HIF1A: variants seen among roughly 807,000 people sequenced by gnomAD.
The protein encoded by HIF1A is hypoxia-inducible factor 1-alpha.
A neutral mutation model predicts 92.7 loss-of-function variants in HIF1A; 24 were observed. That is an observed-to-expected ratio of 0.26 (90% CI 0.19 to 0.36). The LOEUF (loss-of-function observed/expected upper bound fraction) is 0.36. HIF1A is among the 10% of genes least tolerant of loss of function. The pLI, the probability that HIF1A is intolerant of heterozygous loss-of-function variation, is 1.00. For synonymous variants in HIF1A, 319 were observed against 338.7 expected, an observed-to-expected ratio of 0.94 and a Z score of 0.64; for missense variants, 799 against 998.5, an observed-to-expected ratio of 0.80 and a Z score of 2.69.
At chr14:61,736,374 GCATA>G (rs2044638100) in intron 8 of HIF1A, among the ~76,000 whole-genome samples, 3 of 152,080 alleles carry the variant, frequency 2.0e-5, no homozygotes, top group African/African-American at 7.2e-5. Flanking sequence ...GGGGATACAT[GCATA>G]GGTTTGTTAC....
intron 1 of HIF1A, among the ~76,000 whole-genome samples, chr14:61,702,074 G>A (rs1365387379): frequency 2.0e-5 from 3 of 152,130 alleles, no homozygotes; most frequent in South Asian, 4.2e-4. Flanking sequence ...ATTAACAAAT[G>A]AGACAATGAT....
intron 1 of HIF1A, among the ~76,000 whole-genome samples, chr14:61,713,233 T>C (rs1434317316): frequency 6.6e-6 from 1 of 152,226 alleles, no homozygotes; most frequent in African/African-American, 2.4e-5. Context: ...AATGGGATTT[T>C]AATCAGGCCA....
chr14:61,710,482 A>T (rs1169980201), intron 1 of HIF1A, among the ~76,000 whole-genome samples: 1 of 152,182 alleles, frequency 6.6e-6, no homozygotes, highest in Non-Finnish European at 1.5e-5. Context: ...TGGGTATCCT[A>T]AAGGTTTATT....
At chr14:61,736,759 G>GC in intron 8 of HIF1A, 130 bp from the exon 9 acceptor site, 1 of 636,030 alleles carries the variant, frequency 1.6e-6, no homozygotes, top group East Asian at 2.7e-5. Flanking sequence ...GAGTGATCAT[G>GC]CATCTCAAGA....
rs777130984 is a variant in HIF1A at position 61,721,603 on chromosome 14, T to G, written c.321T>G (p.Gly107=). The G allele has an allele frequency of 6.2e-7, 1 of 1,613,306 alleles. No homozygotes were observed. Among genetic ancestry groups the G allele is most frequent in the Non-Finnish European group, 8.5e-7 (1 of 1,179,364 alleles). Residue 107 remains glycine (G), a synonymous_variant, in exon 3 of 15, where the codon GGT becomes GGG. Transcript: ENST00000337138. The part of the protein sequence containing the change: ...DGFVMVLTDD[G]DMIYISDNVN... ...TTGTTATGGTTCTCACAGATGATGGTGACATGATTTACATTTCTGATAATG... is the reference window on the plus strand; with the variant it reads ...TTGTTATGGTTCTCACAGATGATGGGGACATGATTTACATTTCTGATAATG...
At chr14:61,744,834 T>G in intron 13 of HIF1A, 21 bp downstream of exon 13, 1 of 1,212,510 alleles carries the variant, frequency 8.2e-7, no homozygotes, top group Non-Finnish European at 1.2e-6. Context: ...GTAGTAGGTT[T>G]TGCTTTTCTA....
At chr14:61,744,654 A>G (rs879162662) in intron 12 of HIF1A, 51 bp from the exon 13 acceptor site, 1 of 732,738 alleles carries the variant, frequency 1.4e-6, no homozygotes, top group South Asian at 1.7e-5. Context: ...CGCTCACTGG[A>G]TATTTTTTTT....
At chr14:61,729,048 C>A (rs1458757207) in intron 6 of HIF1A, among the ~76,000 whole-genome samples, 1 of 152,206 alleles carries the variant, frequency 6.6e-6, no homozygotes, top group South Asian at 2.1e-4. Context: ...TATGCTCTGG[C>A]CCTAACTCTG....
chr14:61,727,838 T>C (rs1163009909), intron 6 of HIF1A, among the ~76,000 whole-genome samples, 183 bp downstream of exon 6: 1 of 152,076 alleles, frequency 6.6e-6, no homozygotes, highest in East Asian at 1.9e-4. Flanking sequence ...GAGACCAGCC[T>C]GGCCAATGTG....
chr14:61,705,123 C>G (rs563958804), intron 1 of HIF1A, among the ~76,000 whole-genome samples: 2 of 152,204 alleles, frequency 1.3e-5, no homozygotes, highest in African/African-American at 4.8e-5. Context: ...ATGTTCAGAT[C>G]TCTTTTGGAG....
chr14:61,704,875 G>GTTCA (rs879362035), intron 1 of HIF1A, among the ~76,000 whole-genome samples: 1 of 152,132 alleles, frequency 6.6e-6, no homozygotes, highest in Non-Finnish European at 1.5e-5. Flanking sequence ...CATTTTTTAT[G>GTTCA]TTCATTCATT....
intron 4 of HIF1A, 137 bp downstream of exon 4, chr14:61,721,960 T>G: frequency 3.3e-6 from 2 of 597,028 alleles, no homozygotes; most frequent in South Asian, 5.0e-5. Context: ...GTCTATTCTT[T>G]GTTAAAACTA....
intron 12 of HIF1A, among the ~76,000 whole-genome samples, chr14:61,743,198 A>C (rs560381550): frequency 6.6e-6 from 1 of 151,936 alleles, no homozygotes; most frequent in African/African-American, 2.4e-5. Flanking sequence ...CAGCCTCCCG[A>C]GTAGCTGGGA....
At chr14:61,730,512 T>A (rs893792180) in intron 6 of HIF1A, among the ~76,000 whole-genome samples, 2 of 152,338 alleles carry the variant, frequency 1.3e-5, no homozygotes, top group South Asian at 4.1e-4. Flanking sequence ...TATAGAATCT[T>A]TGTTACCTGC....
At chr14:61,729,432 G>A (rs1052687486) in intron 6 of HIF1A, among the ~76,000 whole-genome samples, 23 of 151,158 alleles carry the variant, frequency 1.5e-4, no homozygotes, top group African/African-American at 7.3e-5. Context: ...ACTGCACTCC[G>A]GCCTGGGAGA....
intron 12 of HIF1A, among the ~76,000 whole-genome samples, chr14:61,742,546 A>G (rs1178096205): frequency 6.6e-6 from 1 of 152,166 alleles, no homozygotes; most frequent in African/African-American, 2.4e-5. Flanking sequence ...CATTTTAGTG[A>G]TACTAATACT....
At chr14:61,736,834 C>T in intron 8 of HIF1A, 55 bp from the exon 9 acceptor site, 1 of 1,206,488 alleles carries the variant, frequency 8.3e-7, no homozygotes, top group Non-Finnish European at 1.2e-6. Flanking sequence ...GTCTCCCTTC[C>T]CCTCACTGTA....
At chr14:61,728,560 T>C (rs2044536275) in intron 6 of HIF1A, among the ~76,000 whole-genome samples, 2 of 152,256 alleles carry the variant, frequency 1.3e-5, no homozygotes, top group African/African-American at 4.8e-5. Flanking sequence ...TACACCACCA[T>C]ACACACATGA....
intron 1 of HIF1A, among the ~76,000 whole-genome samples, chr14:61,710,429 C>G (rs928100532): frequency 2.6e-5 from 4 of 152,072 alleles, no homozygotes; most frequent in African/African-American, 9.7e-5. Context: ...AGAAGATGAT[C>G]AAGAAATATT....
Sources: allele counts gnomAD v4.1 joint callset (sites outside exome capture counted in the v4.1 genomes callset), GRCh38; gene constraint gnomAD v4.1.1; transcripts MANE v1.5; gene names NCBI Gene and HGNC (gene_info 2026-07-23, HGNC 2026-07-21).